Variants in ANKS1B observed in about 807,000 individuals in gnomAD.
ANKS1B encodes ankyrin repeat and sterile alpha motif domain-containing protein 1B.
In ANKS1B, 36 loss-of-function variants were observed where a neutral mutation model predicts 148.3. The observed-to-expected ratio is 0.24, with a 90% CI of 0.19 to 0.32. The LOEUF is 0.32. Among genes scored for constraint, ANKS1B ranks in the 10% least tolerant of loss-of-function variants. ANKS1B has a pLI of 1.00. For synonymous variants in ANKS1B, 542 were observed against 560.8 expected, an observed-to-expected ratio of 0.97 and a Z score of 0.47; for missense variants, 1,157 against 1,542.6, an observed-to-expected ratio of 0.75 and a Z score of 4.19.
At chr12:99,949,334 A>G (rs961177276) in intron 1 of ANKS1B, among the ~76,000 whole-genome samples, 20 of 152,190 alleles carry the variant, frequency 1.3e-4, no homozygotes, top group African/African-American at 4.8e-4. Context: ...AAAAGCTGAG[A>G]TGGCAAAGAA....
chr12:99,917,892 G>A (rs1239209087), intron 1 of ANKS1B, among the ~76,000 whole-genome samples: 2 of 152,248 alleles, frequency 1.3e-5, no homozygotes, highest in East Asian at 3.9e-4. Flanking sequence ...CAGGAGGTGA[G>A]CAGCAAGGAA....
rs550282276 is a variant in ANKS1B at position 99,291,378 on chromosome 12, A to T, written c.1757-44514T>A. ...AAATATCAATGACATTCTTTGCAGA[A>T]ATAGAAAAAAAATTTCCTAAAATTA... On this transcript the variant is annotated intron_variant, in intron 12 of 26. Coordinates refer to ENST00000683438, the MANE Select transcript of ANKS1B (RefSeq NM_001352186.2). Among the ~76,000 whole-genome samples, 12 of 152,316 alleles carry T rather than the reference A, an allele frequency of 7.9e-5. No individual in the cohort carries two copies. In the East Asian group the frequency reaches 2.3e-3, roughly 29 times the overall value.
rs540367675 is a variant in ANKS1B, at chr12:99,619,850, C to A, written c.1272+35217G>T. Reference sequence around the variant, plus strand: ...ACTGGATTCTTGCTTGGCACTGGTACCTGTGCCTGCCATTGGAGGACCTGT... The same window carrying A: ...ACTGGATTCTTGCTTGGCACTGGTAACTGTGCCTGCCATTGGAGGACCTGT... On this transcript the variant is annotated intron_variant, in intron 9 of 26. Transcript: ENST00000683438. Among the ~76,000 whole-genome samples the A allele has an allele frequency of 2.0e-3, 305 of 152,312 alleles. 3 individuals carry two copies. Among genetic ancestry groups the A allele is most frequent in the Middle Eastern group, 3.4e-3 (1 of 294 alleles).
intron 8 of ANKS1B, among the ~76,000 whole-genome samples, chr12:99,724,088 T>C (rs1234849604): frequency 1.3e-5 from 2 of 148,672 alleles, no homozygotes; most frequent in African/African-American, 5.0e-5. Context: ...AAGGCCAGAG[T>C]GCCTCTTCTC....
At position 99,772,743 on chromosome 12, in the gene ANKS1B, C is replaced by T. The variant is rs1601837425; in HGVS notation, c.1128+179G>A. The T allele has an allele frequency of 6.1e-6, 3 of 494,290 alleles. No homozygotes were observed. In the East Asian group the frequency reaches 1.0e-4, roughly 17 times the overall value. The allele number at this position is 494,290 out of a possible 1,614,324, so 30.6% of individuals were successfully genotyped here. On this transcript the variant is annotated intron_variant, in intron 8 of 26. Coordinates refer to ENST00000683438, the MANE Select transcript of ANKS1B (RefSeq NM_001352186.2). ...CATGAAGTGATCTGTCAAAGCACTC[C>T]TTCCCCTACACATGCACTGCGAGTA...
In ANKS1B at chr12:99,282,917, C is replaced by T. The variant is rs538593225; in HGVS notation, c.1757-36053G>A. Among the ~76,000 whole-genome samples the T allele has an allele frequency of 5.3e-5, 8 of 152,148 alleles. No individual in the cohort carries two copies. In the South Asian group the frequency reaches 8.3e-4, roughly 16 times the overall value. On this transcript the variant is annotated intron_variant, in intron 12 of 26. Transcript: ENST00000683438. Reference sequence around the variant, plus strand: ...GAGAGACTCAGGTTAGGAATATAAACTTTGGAGTCATCAGCATGAATAAGA... The same window carrying T: ...GAGAGACTCAGGTTAGGAATATAAATTTTGGAGTCATCAGCATGAATAAGA...
intron 14 of ANKS1B, among the ~76,000 whole-genome samples, chr12:99,191,006 AAAAC>A (rs2080605527): frequency 6.6e-6 from 1 of 152,122 alleles, no homozygotes; most frequent in Non-Finnish European, 1.5e-5. Flanking sequence ...AAGAAAAAAA[AAAAC>A]AAATAATCTC....
intron 17 of ANKS1B, among the ~76,000 whole-genome samples, chr12:98,915,124 G>C (rs971270314): frequency 6.6e-6 from 1 of 151,890 alleles, no homozygotes; most frequent in Admixed American, 6.6e-5. Context: ...CATTACAGAT[G>C]TAATTAGTTA....
chr12:99,433,387 C>G (rs948405939), intron 11 of ANKS1B, among the ~76,000 whole-genome samples: 1 of 152,140 alleles, frequency 6.6e-6, no homozygotes, highest in Non-Finnish European at 1.5e-5. Flanking sequence ...ATTTAGAACT[C>G]ATGTACAAAT....
At chr12:99,374,085 T>C (rs1176761465) in intron 12 of ANKS1B, among the ~76,000 whole-genome samples, 2 of 152,220 alleles carry the variant, frequency 1.3e-5, no homozygotes, top group African/African-American at 4.8e-5. Context: ...CTTAGGTTGT[T>C]TTAATCCAAA....
intron 1 of ANKS1B, among the ~76,000 whole-genome samples, chr12:99,916,270 T>C (rs2094168022): frequency 6.6e-6 from 1 of 152,186 alleles, no homozygotes; most frequent in Admixed American, 6.5e-5. Flanking sequence ...ACAGAGTATA[T>C]GGCACCATAT....
intron 25 of ANKS1B, among the ~76,000 whole-genome samples, chr12:98,769,116 T>G (rs1225683885): frequency 1.3e-5 from 2 of 150,508 alleles, no homozygotes; most frequent in South Asian, 4.2e-4. Flanking sequence ...ACATACTTAT[T>G]TAGCTAAAAG....
At chr12:99,582,831 C>T (rs1348879929) in intron 9 of ANKS1B, among the ~76,000 whole-genome samples, 3 of 151,998 alleles carry the variant, frequency 2.0e-5, no homozygotes, top group African/African-American at 7.3e-5. Context: ...ATGTAAATGA[C>T]ATGTCAATAA....
chr12:99,483,933 AT>A (rs1383993745), intron 10 of ANKS1B, among the ~76,000 whole-genome samples: 2 of 151,558 alleles, frequency 1.3e-5, no homozygotes, highest in Admixed American at 1.3e-4. Context: ...TATTTTGTTT[AT>A]TTTTCAAAGA....
At chr12:99,857,003 T>A (rs1204278323) in intron 1 of ANKS1B, among the ~76,000 whole-genome samples, 3 of 152,200 alleles carry the variant, frequency 2.0e-5, no homozygotes, top group African/African-American at 7.2e-5. Flanking sequence ...TCAACACTTC[T>A]ATTCAACATA....
intron 15 of ANKS1B, among the ~76,000 whole-genome samples, chr12:99,145,549 T>A (rs2153807875): frequency 6.6e-6 from 1 of 152,168 alleles, no homozygotes; most frequent in East Asian, 1.9e-4. Context: ...AATGCGTATA[T>A]TTATTTGGCA....
intron 1 of ANKS1B, among the ~76,000 whole-genome samples, chr12:99,924,553 T>A (rs752043683): frequency 6.6e-6 from 1 of 152,146 alleles, no homozygotes; most frequent in Non-Finnish European, 1.5e-5. Context: ...AAAATTCATA[T>A]GTTGAAATCC....
rs756055626 is a variant in ANKS1B, at chr12:99,246,318, C to G, written c.2303G>C (p.Gly768Ala). Residue 768 changes from glycine (G) to alanine (A), a missense_variant, in exon 13 of 27, where the codon GGG becomes GCG. Around this residue, in one of 6 missense-constraint regions of ANKS1B, gnomAD observed 661 missense variants for 642.1 expected, o/e 1.03. Transcript: ENST00000683438. ...GAAGGATGGTGTTCTTTCAGAATTC[C>G]CTTTAGAACTGTGTTCAGCAGTGGA... ...ESSTAEHSSK[G>A]NSERTPSFTS... The G allele has an allele frequency of 2.1e-4, 344 of 1,605,748 alleles. No homozygotes were observed. In the Middle Eastern group the frequency reaches 3.0e-3, roughly 14 times the overall value.
At chr12:99,770,492 A>C (rs2063092033) in intron 8 of ANKS1B, among the ~76,000 whole-genome samples, 1 of 152,188 alleles carries the variant, frequency 6.6e-6, no homozygotes, top group Non-Finnish European at 1.5e-5. Context: ...TTTTTTGATG[A>C]ATAGAAACAA....
Sources: allele counts gnomAD v4.1 joint callset (sites outside exome capture counted in the v4.1 genomes callset), GRCh38; gene constraint gnomAD v4.1.1; regional missense constraint gnomAD v4.1.1; transcripts MANE v1.5; gene names NCBI Gene and HGNC (gene_info 2026-07-23, HGNC 2026-07-21).